Variants in TRIM56 observed in about 807,000 individuals in gnomAD.
TRIM56 encodes E3 ubiquitin-protein ligase TRIM56.
TRIM56 carries 10 observed loss-of-function variants against 17.1 expected under a neutral mutation model. The observed-to-expected ratio is 0.58, with a 90% CI of 0.36 to 0.99. The LOEUF is 0.99. Among genes scored for constraint, TRIM56 ranks in the 50% least tolerant of loss-of-function variants. The pLI is 0.01. For synonymous variants in TRIM56, 503 were observed against 473.5 expected, an observed-to-expected ratio of 1.06 and a Z score of -0.81; for missense variants, 923 against 1,052.3, an observed-to-expected ratio of 0.88 and a Z score of 1.70.
Position 101,090,539 on chromosome 7 carries a change from C to T in TRIM56, c.*959C>T, listed in dbSNP as rs865962495. On this transcript the variant is annotated 3_prime_UTR_variant, in exon 3 of 3. Coordinates refer to ENST00000306085, the MANE Select transcript of TRIM56 (RefSeq NM_030961.3). ...CTCAGGAGGCTGAGGTGGGAGGATC[C>T]CTTGAGCCGAGGAGTTTGAGTCTGC... 6.8e-6 allele frequency: 1 copy of T among 147,576 alleles called. No individual in the cohort carries two copies. The highest frequency in any genetic ancestry group is 1.5e-5 in the Non-Finnish European group (1 of 67,206). 9.1% of individuals were successfully genotyped at this position (147,576 alleles called of 1,614,324 possible).
rs1795493940 is a variant in TRIM56, at chr7:101,088,386, C to T, written c.1074C>T (p.Leu358=). 1 of 1,585,082 alleles carries T rather than the reference C, an allele frequency of 6.3e-7. No individual in the cohort carries two copies. The highest frequency in any genetic ancestry group is 8.6e-7 in the Non-Finnish European group (1 of 1,165,484). ...LLPQLELHPG[L]LDKNCHLLRL... The stretch of plus-strand genomic sequence containing the variant: ...CACAGCTGGAGCTCCATCCTGGGCT[C>T]CTGGACAAGAACTGCCACCTTCTTC... Residue 358 remains leucine (L), a synonymous_variant, in exon 3 of 3, where the codon CTC becomes CTT. Coordinates refer to ENST00000306085, the MANE Select transcript of TRIM56 (RefSeq NM_030961.3).
rs558501923 is a variant in TRIM56 at position 101,088,178 on chromosome 7, G to A, written c.866G>A (p.Arg289Gln). The stretch of plus-strand genomic sequence containing the variant: ...GTGGAGGCTGCCGAAGAAGCTGCTC[G>A]GGAGAGGCTGGCGGAGCTTGAGGGC... The part of the protein sequence containing the change: ...AHVEAAEEAA[R>Q]ERLAELEGRE... The change falls in exon 3 of 3, where the codon CGG becomes CAG. Residue 289 changes from arginine (R) to glutamine (Q), a missense_variant. By Grantham distance (43) the Arg-to-Gln change is conservative. This residue lies in a region of TRIM56 where 643 missense variants were observed against 665.6 expected (regional missense o/e 0.97). Transcript: ENST00000306085. The A allele has an allele frequency of 2.2e-4, 327 of 1,492,380 alleles. No homozygotes were observed. The Admixed American group carries it at 5.9e-3, about 27-fold the overall frequency. 92.4% of individuals were successfully genotyped at this position (1,492,380 alleles called of 1,614,324 possible). A position where few individuals can be genotyped will look rare whatever the true frequency, so the allele number is the denominator to read the frequency against.
rs1449252702 is a variant in TRIM56 at position 101,089,862 on chromosome 7, C to T, written c.*282C>T. On this transcript the variant is annotated 3_prime_UTR_variant, in exon 3 of 3. Coordinates refer to ENST00000306085, the MANE Select transcript of TRIM56 (RefSeq NM_030961.3). ...TTTTGTGGGTGGCTGCTGCCACCAC[C>T]GCCGCTGCTATATAGTTTAGGTTTC... is the stretch of plus-strand genomic sequence containing the variant. 4.1e-5 allele frequency: 17 copies of T among 409,882 alleles called. No homozygotes were observed. Among genetic ancestry groups the T allele is most frequent in the African/African-American group, 6.1e-5 (3 of 49,350 alleles). The allele number at this position is 409,882 out of a possible 1,614,324, so 25.4% of individuals were successfully genotyped here.
chr7:101,086,311 A>G (rs1366628126), intron 1 of TRIM56, among the ~76,000 whole-genome samples: 1 of 152,174 alleles, frequency 6.6e-6, no homozygotes, highest in Non-Finnish European at 1.5e-5. Flanking sequence ...CTATAATCCC[A>G]GCACTTTGGG....
Position 101,091,793 on chromosome 7 carries a change from C to G in TRIM56, c.*2213C>G, listed in dbSNP as rs891633489. On this transcript the variant is annotated 3_prime_UTR_variant, in exon 3 of 3. Transcript: ENST00000306085. Reference sequence around the variant, plus strand: ...CTCCCTCTCCCTCTCCCCACGGTCTCCCTCTGCCTCTCTTTCCATGGTCAC... The same window carrying G: ...CTCCCTCTCCCTCTCCCCACGGTCTGCCTCTGCCTCTCTTTCCATGGTCAC... 1 of 437,682 alleles carries G rather than the reference C, an allele frequency of 2.3e-6. No individual in the cohort carries two copies. The allele number at this position is 437,682 out of a possible 1,614,324, so 27.1% of individuals were successfully genotyped here.
chr7:101,088,092 G>A lies in TRIM56; in HGVS notation c.780G>A (p.Glu260=). Reference sequence around the variant, plus strand: ...GGACTCAGGTGGAGGAGGCGGCTGAGGGCGTCCTCCGGGCCCTGCTGGCCC... The same window carrying A: ...GGACTCAGGTGGAGGAGGCGGCTGAAGGCGTCCTCCGGGCCCTGCTGGCCC... ...RVGTQVEEAA[E]GVLRALLAQK... Residue 260 remains glutamate, a synonymous_variant, in exon 3 of 3, where the codon GAG becomes GAA. Coordinates refer to ENST00000306085, the MANE Select transcript of TRIM56 (RefSeq NM_030961.3). 2 of 1,513,736 alleles carry A rather than the reference G, an allele frequency of 1.3e-6. No individual in the cohort carries two copies. The highest frequency in any genetic ancestry group is 1.8e-6 in the Non-Finnish European group (2 of 1,131,992). 93.8% of individuals were successfully genotyped at this position (1,513,736 alleles called of 1,614,324 possible).
Position 101,087,520 on chromosome 7 carries a change from G to A in TRIM56, c.208G>A (p.Val70Met), listed in dbSNP as rs199934436. ...RETVPVPPEG[V>M]ASFKTNFFVN... ...GACAGTGCCTGTGCCGCCCGAGGGTGTGGCCTCCTTCAAGACCAACTTCTT... is the reference window on the plus strand; with the variant it reads ...GACAGTGCCTGTGCCGCCCGAGGGTATGGCCTCCTTCAAGACCAACTTCTT... Residue 70 changes from valine to methionine, a missense_variant, in exon 3 of 3, where the codon GTG (valine) becomes ATG (methionine). Coordinates refer to ENST00000306085, the MANE Select transcript of TRIM56 (RefSeq NM_030961.3). 1 of 1,613,380 alleles carries A rather than the reference G, an allele frequency of 6.2e-7. No homozygotes were observed. The highest frequency in any genetic ancestry group is 1.3e-5 in the African/African-American group (1 of 75,056).
Position 101,089,033 on chromosome 7 carries a change from ACC to A in TRIM56, c.1724_1725del (p.Pro575GlnfsTer24). On this transcript the variant is annotated frameshift_variant, in exon 3 of 3. Transcript: ENST00000306085. LOFTEE classifies it high-confidence loss of function. ...GCTAGCGCACGGCTCTATCTCATCA[ACC>A]CCAACGGCGAAGTGCAGTGGCGCAG... 6.2e-7 allele frequency: 1 copy of A among 1,603,640 alleles called. No individual in the cohort carries two copies. The highest frequency in any genetic ancestry group is 1.7e-4 in the Middle Eastern group (1 of 6,056).
chr7:101,095,776 A>G lies in TRIM56; in HGVS notation c.*6196A>G, dbSNP rs1562841902. 1 of 152,282 alleles carries G rather than the reference A, an allele frequency of 6.6e-6. No homozygotes were observed. The highest frequency in any genetic ancestry group is 6.5e-5 in the Admixed American group (1 of 15,278). The allele number at this position is 152,282 out of a possible 1,614,324, so 9.4% of individuals were successfully genotyped here. On this transcript the variant is annotated 3_prime_UTR_variant, in exon 3 of 3. Coordinates refer to ENST00000306085, the MANE Select transcript of TRIM56 (RefSeq NM_030961.3). ...CAGCAAAGGACACTGGAAAATGAGA[A>G]GCATGGATGGGAAGTGTTGCATTGA...
Position 101,087,846 on chromosome 7 carries a change from C to T in TRIM56, c.534C>T (p.Arg178=), listed in dbSNP as rs2116528541. The T allele has an allele frequency of 6.2e-7, 1 of 1,604,550 alleles. No homozygotes were observed. The highest frequency in any genetic ancestry group is 1.1e-5 in the South Asian group (1 of 90,692). The change falls in exon 3 of 3, where the codon CGC becomes CGT. Residue 178 remains arginine (R), a synonymous_variant. Coordinates refer to ENST00000306085, the MANE Select transcript of TRIM56 (RefSeq NM_030961.3). ...CCCAGCACCCCGGGGAGGCACTGCGCTTCCTGTGCCAGCCCTGCTCACAGT... is the reference window on the plus strand; with the variant it reads ...CCCAGCACCCCGGGGAGGCACTGCGTTTCCTGTGCCAGCCCTGCTCACAGT... ...QCPQHPGEAL[R]FLCQPCSQLL...
Position 101,090,836 on chromosome 7 carries a change from G to A in TRIM56, c.*1256G>A, listed in dbSNP as rs912698863. The A allele has an allele frequency of 5.3e-5, 8 of 152,136 alleles. No individual in the cohort carries two copies. The highest frequency in any genetic ancestry group is 1.7e-4 in the African/African-American group (7 of 41,394). 9.4% of individuals were successfully genotyped at this position (152,136 alleles called of 1,614,324 possible). ...CTCTAGGCTCCAACGCTTCTGCTTC[G>A]GTGTCTTTCCATTTCCCAGGGTCTA... is the stretch of plus-strand genomic sequence containing the variant. On this transcript the variant is annotated 3_prime_UTR_variant, in exon 3 of 3. Coordinates refer to ENST00000306085, the MANE Select transcript of TRIM56 (RefSeq NM_030961.3).
At position 101,094,713 on chromosome 7, in the gene TRIM56, C is replaced by G. The variant is rs1795631212; in HGVS notation, c.*5133C>G. ...AGGTGATCGAATTATCGTGGAGTGT[C>G]TGGAAGGCGGGGGAAGTTTTGTTGA... On this transcript the variant is annotated 3_prime_UTR_variant, in exon 3 of 3. Transcript: ENST00000306085. The G allele has an allele frequency of 6.6e-6, 1 of 150,638 alleles. No individual in the cohort carries two copies. The highest frequency in any genetic ancestry group is 1.5e-5 in the Non-Finnish European group (1 of 67,946). 9.3% of individuals were successfully genotyped at this position (150,638 alleles called of 1,614,324 possible).
At position 101,091,467 on chromosome 7, in the gene TRIM56, C is replaced by A; in HGVS notation, c.*1887C>A. 1 of 228,156 alleles carries A rather than the reference C, an allele frequency of 4.4e-6. No homozygotes were observed. The highest frequency in any genetic ancestry group is 9.0e-6 in the Non-Finnish European group (1 of 111,548). 14.1% of individuals were successfully genotyped at this position (228,156 alleles called of 1,614,324 possible). ...AAGCGCCAGGCACGGTGACTCAAGC[C>A]TGTAATCCCAGCACTCTGGGAGGCT... On this transcript the variant is annotated 3_prime_UTR_variant, in exon 3 of 3. Coordinates refer to ENST00000306085, the MANE Select transcript of TRIM56 (RefSeq NM_030961.3).
chr7:101,089,357 G>C lies in TRIM56; in HGVS notation c.2045G>C (p.Gly682Ala). The stretch of plus-strand genomic sequence containing the variant: ...CCAGGCCTGCATGGCTGCCAGCCGG[G>C]CTCCGTGTCTGTGGATAAGAAGGGC... ...KGPGLHGCQPGSVSVDKKGYI... is the reference protein window; with the variant it reads ...KGPGLHGCQPASVSVDKKGYI... Residue 682 changes from glycine (G) to alanine (A), a missense_variant, in exon 3 of 3, where the codon GGC (glycine) becomes GCC (alanine). Transcript: ENST00000306085. The C allele has an allele frequency of 6.2e-7, 1 of 1,609,786 alleles. No individual in the cohort carries two copies. The highest frequency in any genetic ancestry group is 1.1e-5 in the South Asian group (1 of 90,938).
rs1485201793 is a variant in TRIM56, at chr7:101,088,523, G to A, written c.1211G>A (p.Arg404Lys). The A allele has an allele frequency of 6.2e-7, 1 of 1,613,738 alleles. No individual in the cohort carries two copies. Among genetic ancestry groups the A allele is most frequent in the Admixed American group, 1.7e-5 (1 of 59,988 alleles). Residue 404 changes from arginine to lysine, a missense_variant, in exon 3 of 3, where the codon AGA becomes AAA. Physicochemically the swap from Arg to Lys is conservative, Grantham distance 26. Transcript: ENST00000306085. ...AGGGAGGATGAGCCGAAGACTGAGA[G>A]ACAGGGTGGAGTCCAGCCCCAGGCT... is the stretch of plus-strand genomic sequence containing the variant. The part of the protein sequence containing the change: ...SRREDEPKTE[R>K]QGGVQPQAGD...
In TRIM56 at chr7:101,093,340, TAAAAAA is replaced by T. The variant is rs576426651; in HGVS notation, c.*3774_*3779del. 1,870 of 90,868 alleles carry T rather than the reference TAAAAAA, an allele frequency of 0.021. 41 individuals are homozygous for T. Among genetic ancestry groups the T allele is most frequent in the African/African-American group, 0.061 (1,721 of 28,246 alleles). 5.6% of individuals were successfully genotyped at this position (90,868 alleles called of 1,614,324 possible). ...CACCCAAGAATGATCAATAAAAAAT[TAAAAAA>T]AAAAAAAAAAAAAGAAAACCAAGAA... On this transcript the variant is annotated 3_prime_UTR_variant, in exon 3 of 3. Coordinates refer to ENST00000306085, the MANE Select transcript of TRIM56 (RefSeq NM_030961.3).
intron 1 of TRIM56, among the ~76,000 whole-genome samples, chr7:101,086,185 G>A (rs73178512): frequency 0.11 from 16,465 of 152,186 alleles, 964 homozygotes; most frequent in Middle Eastern, 0.15. Flanking sequence ...CGGGAGGATA[G>A]CCTGAGGCCA....
Position 101,093,097 on chromosome 7 carries a change from C to T in TRIM56, c.*3517C>T, listed in dbSNP as rs559301125. On this transcript the variant is annotated 3_prime_UTR_variant, in exon 3 of 3. Coordinates refer to ENST00000306085, the MANE Select transcript of TRIM56 (RefSeq NM_030961.3). ...CACTCAGGGTTAAATGGATTAAGGG[C>T]GGTGCAAGATGTGCTTTGTTAAACA... The T allele has an allele frequency of 5.6e-4, 96 of 170,414 alleles. 1 individual carries two copies. The East Asian group carries it at 0.017, about 30-fold the overall frequency. The allele number at this position is 170,414 out of a possible 1,614,324, so 10.6% of individuals were successfully genotyped here. A position where few individuals can be genotyped will look rare whatever the true frequency, so the allele number is the denominator to read the frequency against.
In TRIM56 at chr7:101,088,787, T is replaced by C. The variant is rs868255893; in HGVS notation, c.1475T>C (p.Ile492Thr). The stretch of plus-strand genomic sequence containing the variant: ...GGCTCTGGCCTCCTCCCCAGACCCA[T>C]CTTTTACTGCAGTTTCCCCACGCGG... ...LDGSGLLPRP[I>T]FYCSFPTRMP... Residue 492 changes from isoleucine (I) to threonine (T), a missense_variant, in exon 3 of 3, where the codon ATC becomes ACC. By Grantham distance (89) the Ile-to-Thr change is moderately conservative. Coordinates refer to ENST00000306085, the MANE Select transcript of TRIM56 (RefSeq NM_030961.3). 1 of 1,613,810 alleles carries C rather than the reference T, an allele frequency of 6.2e-7. No homozygotes were observed. The highest frequency in any genetic ancestry group is 1.6e-4 in the Middle Eastern group (1 of 6,062).
Sources: allele counts gnomAD v4.1 joint callset (sites outside exome capture counted in the v4.1 genomes callset), GRCh38; gene constraint gnomAD v4.1.1; regional missense constraint gnomAD v4.1.1; transcripts MANE v1.5; gene names NCBI Gene and HGNC (gene_info 2026-07-23, HGNC 2026-07-21).